The following DZIP1 variants were observed in gnomAD, a reference collection of about 807,000 sequenced individuals.
The protein encoded by DZIP1 is cilium assembly protein DZIP1.
A neutral mutation model predicts 107.6 loss-of-function variants in DZIP1; 97 were observed. That is an observed-to-expected ratio of 0.90 (90% CI 0.77 to 1.07). The LOEUF (loss-of-function observed/expected upper bound fraction) is 1.07, where lower values mean the gene tolerates loss of function less well. DZIP1 is among the 50% of genes least tolerant of loss of function. The probability of loss-of-function intolerance (pLI) is 0.00; values close to 1 mark genes in which losing one functional copy is unlikely to be tolerated. For missense variants in DZIP1, 1,035 were observed against 1,063.6 expected (o/e 0.97, Z 0.37); for synonymous variants, 390 against 386.4 (o/e 1.01, Z -0.11).
chr13:95,608,198 G>A (rs2044843279), intron 13 of DZIP1, among the ~76,000 whole-genome samples: 1 of 152,002 alleles, frequency 6.6e-6, no homozygotes, highest in South Asian at 2.1e-4. Flanking sequence ...AGAGCCAGTG[G>A]CATCCATATT....
At chr13:95,627,091 A>C (rs1473660676) in intron 7 of DZIP1, among the ~76,000 whole-genome samples, 1 of 152,232 alleles carries the variant, frequency 6.6e-6, no homozygotes, top group African/African-American at 2.4e-5. Context: ...GAAGATGCAC[A>C]CTTATCTATT....
At chr13:95,609,289 T>C (rs1347109196) in intron 13 of DZIP1, among the ~76,000 whole-genome samples, 168 bp downstream of exon 13, 1 of 152,264 alleles carries the variant, frequency 6.6e-6, no homozygotes, top group Non-Finnish European at 1.5e-5. Context: ...ATTTGTAGTC[T>C]TGGGTTTTAG....
At chr13:95,597,170 T>C (rs959007834) in intron 15 of DZIP1, among the ~76,000 whole-genome samples, 30 of 152,326 alleles carry the variant, frequency 2.0e-4, no homozygotes, top group African/African-American at 7.0e-4. Flanking sequence ...GGCAGAGGGA[T>C]GCAGTGAGTG....
intron 9 of DZIP1, 113 bp from the exon 10 acceptor site, chr13:95,620,060 AT>A: frequency 1.7e-6 from 2 of 1,157,970 alleles, no homozygotes; most frequent in Non-Finnish European, 1.2e-6. Flanking sequence ...ATCTGGTAAA[AT>A]TTTAGCTAGT....
chr13:95,611,823 T>C (rs1303023583), intron 11 of DZIP1, among the ~76,000 whole-genome samples: 1 of 152,242 alleles, frequency 6.6e-6, no homozygotes, highest in Non-Finnish European at 1.5e-5. Flanking sequence ...AAATTAATTT[T>C]GAACTTTAAC....
chr13:95,597,931 C>T (rs2044504131), intron 15 of DZIP1, among the ~76,000 whole-genome samples: 1 of 152,134 alleles, frequency 6.6e-6, no homozygotes, highest in South Asian at 2.1e-4. Context: ...CCTGCAGGAT[C>T]TCGTTTGATG....
intron 14 of DZIP1, among the ~76,000 whole-genome samples, chr13:95,600,649 C>T (rs938499325): frequency 2.0e-5 from 3 of 152,032 alleles, no homozygotes; most frequent in Non-Finnish European, 2.9e-5. Flanking sequence ...GACAGACAGA[C>T]AGGCTTAGGT....
intron 15 of DZIP1, among the ~76,000 whole-genome samples, chr13:95,597,964 G>C (rs1055979540): frequency 7.2e-5 from 11 of 152,152 alleles, no homozygotes; most frequent in Non-Finnish European, 1.5e-4. Context: ...TGGTCTTTAA[G>C]GTGCTGGAAG....
At chr13:95,585,410 T>G (rs548633939) in intron 21 of DZIP1, among the ~76,000 whole-genome samples, 1 of 152,246 alleles carries the variant, frequency 6.6e-6, no homozygotes, top group Non-Finnish European at 1.5e-5. Context: ...TTTTGGCTTG[T>G]GTAACACAAA....
chr13:95,614,462 T>G (rs1369907587), intron 10 of DZIP1, among the ~76,000 whole-genome samples: 1 of 152,070 alleles, frequency 6.6e-6, no homozygotes, highest in Non-Finnish European at 1.5e-5. Flanking sequence ...CTTGATCAAC[T>G]ACATGGGGAG....
intron 22 of DZIP1, 127 bp downstream of exon 22, chr13:95,584,607 CAT>C: frequency 6.9e-7 from 1 of 1,450,980 alleles, no homozygotes; most frequent in Non-Finnish European, 9.1e-7. Context: ...ATTTAAATAA[CAT>C]AAAGAAAGCA....
chr13:95,625,904 C>T (rs1876487155), intron 7 of DZIP1, among the ~76,000 whole-genome samples: 1 of 151,916 alleles, frequency 6.6e-6, no homozygotes, highest in African/African-American at 2.4e-5. Context: ...GGAACGATCA[C>T]TTGATCTCAG....
chr13:95,625,770 A>G (rs77216548), intron 7 of DZIP1, among the ~76,000 whole-genome samples: 1 of 152,162 alleles, frequency 6.6e-6, no homozygotes, highest in Non-Finnish European at 1.5e-5. Context: ...ACCAAGATTC[A>G]TGAGATGCAG....
intron 16 of DZIP1, among the ~76,000 whole-genome samples, chr13:95,592,940 C>G (rs2044351168): frequency 6.6e-6 from 1 of 152,136 alleles, no homozygotes; most frequent in African/African-American, 2.4e-5. Context: ...TACCCTTTCC[C>G]TCCGATTGGG....
chr13:95,590,262 G>T lies in DZIP1; in HGVS notation c.1843+17C>A, dbSNP rs774196707. Reference sequence around the variant, plus strand: ...TTGTTAAATTAAGCTCCCATTTGCAGTGGGTAACAAGCTTACCTGAAGAGA... The same window carrying T: ...TTGTTAAATTAAGCTCCCATTTGCATTGGGTAACAAGCTTACCTGAAGAGA... On this transcript the variant is annotated intron_variant, in intron 17 of 22. Transcript: ENST00000376829. 6.4e-7 allele frequency: 1 copy of T among 1,567,602 alleles called. No homozygotes were observed. Among genetic ancestry groups the T allele is most frequent in the Non-Finnish European group, 8.6e-7 (1 of 1,161,588 alleles).
intron 10 of DZIP1, among the ~76,000 whole-genome samples, chr13:95,613,227 T>C (rs1297908734): frequency 6.6e-6 from 1 of 152,108 alleles, no homozygotes; most frequent in Admixed American, 6.6e-5. Context: ...GGGGGGCGGC[T>C]TGAGGCCAGG....
At chr13:95,583,700 A>G (rs552314515) in intron 22 of DZIP1, among the ~76,000 whole-genome samples, 6 of 152,332 alleles carry the variant, frequency 3.9e-5, no homozygotes, top group African/African-American at 1.2e-4. Context: ...ATGAAGAAAA[A>G]TATTTAATAG....
Position 95,604,965 on chromosome 13 carries a change from C to T in DZIP1, c.1477+1038G>A, listed in dbSNP as rs78154833. Among the ~76,000 whole-genome samples the T allele has an allele frequency of 8.6e-4, 131 of 152,280 alleles. 2 individuals are homozygous for T. In the East Asian group the frequency reaches 0.022, roughly 26 times the overall value. On this transcript the variant is annotated intron_variant, in intron 14 of 22. Transcript: ENST00000376829. Reference sequence around the variant, plus strand: ...GTTACTGGTCTAAAGGAAAAAACTGCATGCTCTGAACACTTGTAAATAAGA... The same window carrying T: ...GTTACTGGTCTAAAGGAAAAAACTGTATGCTCTGAACACTTGTAAATAAGA...
Position 95,599,563 on chromosome 13 carries a change from A to C in DZIP1, c.1478-139T>G, listed in dbSNP as rs201983454. On this transcript the variant is annotated intron_variant, in intron 14 of 22. Coordinates refer to ENST00000376829, the MANE Select transcript of DZIP1 (RefSeq NM_198968.4). ...ATAGCAAGAATTTACTGAGGAAAAA[A>C]CGTTGAGGCAATCAGTCATAGATGG... The C allele has an allele frequency of 1.0e-4, 74 of 705,110 alleles. No homozygotes were observed. In the East Asian group the frequency reaches 1.9e-3, roughly 18 times the overall value. The allele number at this position is 705,110 out of a possible 1,614,324, so 43.7% of individuals were successfully genotyped here.
Sources: gnomAD v4.1 joint callset for allele counts (sites outside exome capture counted in the v4.1 genomes callset) on GRCh38, gnomAD v4.1.1 for gene constraint, MANE v1.5 for transcripts, NCBI Gene and HGNC (gene_info 2026-07-23, HGNC 2026-07-21) for gene names.